Variants in CDK5RAP2 observed in about 807,000 individuals in gnomAD.
CDK5RAP2 encodes the protein CDK5 regulatory subunit-associated protein 2.
Under a neutral mutation model 232.9 loss-of-function variants are expected in CDK5RAP2, and 147 were observed. That is an observed-to-expected ratio of 0.63 (90% confidence interval 0.55 to 0.72). CDK5RAP2 has a LOEUF of 0.72. Among genes scored for constraint, CDK5RAP2 ranks in the 30% least tolerant of loss-of-function variants. The pLI is 0.00. For synonymous variants in CDK5RAP2, 833 were observed against 833.7 expected, an observed-to-expected ratio of 1.00 and a Z score of 0.01; for missense variants, 2,195 against 2,231.5, an observed-to-expected ratio of 0.98 and a Z score of 0.33.
At chr9:120,448,186 G>T in intron 21 of CDK5RAP2, 60 bp from the exon 22 acceptor site, 1 of 1,350,796 alleles carries the variant, frequency 7.4e-7, no homozygotes, top group Non-Finnish European at 1.1e-6. Flanking sequence ...TGGTTGCACA[G>T]TCAACATTCT....
chr9:120,443,489 T>C, intron 23 of CDK5RAP2, 131 bp downstream of exon 23: 2 of 1,070,630 alleles, frequency 1.9e-6, no homozygotes, highest in Admixed American at 3.5e-5. Context: ...CAGCTTCCCA[T>C]GTGTTAGACT....
chr9:120,476,382 T>A (rs2038009958), intron 15 of CDK5RAP2, among the ~76,000 whole-genome samples: 1 of 152,222 alleles, frequency 6.6e-6, no homozygotes, highest in East Asian at 1.9e-4. Flanking sequence ...TCCTTTCAGC[T>A]GTACCCATCC....
chr9:120,574,955 T>C (rs1314855076), intron 1 of CDK5RAP2, among the ~76,000 whole-genome samples: 1 of 151,622 alleles, frequency 6.6e-6, no homozygotes, highest in Non-Finnish European at 1.5e-5. Flanking sequence ...TCCCGGAGGT[T>C]GGGGGTGGCA....
rs1247350946 is a variant in CDK5RAP2, at chr9:120,389,311, A to G, written c.5626-19T>C. The G allele has an allele frequency of 6.2e-7, 1 of 1,607,336 alleles. No homozygotes were observed. Among genetic ancestry groups the G allele is most frequent in the African/African-American group, 1.3e-5 (1 of 74,822 alleles). ...GCCTAAGCTAGGAAAAGGAAGAAAA[A>G]AAAGGAGAATTTTAAGTCCAAAGGA... On this transcript the variant is annotated intron_variant, in intron 37 of 37. Transcript: ENST00000349780.
At chr9:120,555,282 C>T (rs1188443639) in intron 3 of CDK5RAP2, among the ~76,000 whole-genome samples, 3 of 152,140 alleles carry the variant, frequency 2.0e-5, no homozygotes, top group African/African-American at 4.8e-5. Flanking sequence ...CAGGCACGCA[C>T]TACCACGCTC....
At chr9:120,488,529 A>C (rs1452675812) in intron 13 of CDK5RAP2, among the ~76,000 whole-genome samples, 1 of 151,608 alleles carries the variant, frequency 6.6e-6, no homozygotes, top group South Asian at 2.1e-4. Context: ...ACAACTTGCA[A>C]CTCTTTAGCT....
In CDK5RAP2 at chr9:120,471,846, A is replaced by G. The variant is rs1362945942; in HGVS notation, c.1760T>C (p.Ile587Thr). 9.9e-6 allele frequency: 16 copies of G among 1,614,104 alleles called. No individual in the cohort carries two copies. The highest frequency in any genetic ancestry group is 1.3e-5 in the African/African-American group (1 of 75,046). ...INNLQAELNK[I>T]FALRKQLEQD... The stretch of plus-strand genomic sequence containing the variant: ...CTCCAGTTGCTTCCGCAGGGCAAAA[A>G]TCTTGTTTAACTCAGCCTGCAGGTT... Residue 587 changes from isoleucine to threonine, a missense_variant, in exon 16 of 38, where the codon ATT becomes ACT. By Grantham distance (89) the Ile-to-Thr change is moderately conservative. Coordinates refer to ENST00000349780, the MANE Select transcript of CDK5RAP2 (RefSeq NM_018249.6).
intron 19 of CDK5RAP2, 143 bp from the exon 20 acceptor site, chr9:120,458,765 G>C (rs111573035): frequency 1.4e-5 from 10 of 733,048 alleles, no homozygotes; most frequent in Non-Finnish European, 2.4e-5. Context: ...AAAGAAAAGG[G>C]GGAGGAGAAG....
intron 25 of CDK5RAP2, among the ~76,000 whole-genome samples, chr9:120,426,965 C>CT (rs1347630297): frequency 1.3e-5 from 2 of 152,192 alleles, no homozygotes; most frequent in Non-Finnish European, 2.9e-5. Context: ...CCGCCCCCCA[C>CT]TTTCCCATCA....
chr9:120,454,697 G>A (rs2036658330), intron 20 of CDK5RAP2, among the ~76,000 whole-genome samples: 1 of 152,192 alleles, frequency 6.6e-6, no homozygotes, highest in South Asian at 2.1e-4. Context: ...GTAAAGCAGT[G>A]TGGAAGTGTG....
At chr9:120,517,962 G>T (rs1157640576) in intron 12 of CDK5RAP2, 1 of 227,318 alleles carries the variant, frequency 4.4e-6, no homozygotes, top group Non-Finnish European at 9.2e-6. Flanking sequence ...AAGTCATAAG[G>T]CAAAAAAAAA....
At chr9:120,528,005 C>T in intron 9 of CDK5RAP2, 80 bp from the exon 10 acceptor site, 2 of 1,532,278 alleles carry the variant, frequency 1.3e-6, no homozygotes, top group Non-Finnish European at 9.0e-7. Flanking sequence ...TAAGAGCACA[C>T]TCAAATGCAG....
intron 12 of CDK5RAP2, among the ~76,000 whole-genome samples, chr9:120,515,331 C>T (rs2040283295): frequency 1.3e-5 from 2 of 152,132 alleles, no homozygotes; most frequent in South Asian, 2.1e-4. Flanking sequence ...CAAGTGTCAG[C>T]CCCTCTTAGA....
At chr9:120,527,650 A>G (rs1162807257) in intron 10 of CDK5RAP2, among the ~76,000 whole-genome samples, 156 bp downstream of exon 10, 2 of 152,218 alleles carry the variant, frequency 1.3e-5, no homozygotes, top group East Asian at 1.9e-4. Context: ...AGACACTCCA[A>G]AAGAATTTCC....
intron 3 of CDK5RAP2, among the ~76,000 whole-genome samples, chr9:120,561,622 G>A (rs1280368358): frequency 1.3e-5 from 2 of 150,628 alleles, no homozygotes; most frequent in Non-Finnish European, 3.0e-5. Context: ...ATTTAAAACT[G>A]AATCTCAAAC....
At chr9:120,549,945 A>G (rs188550627) in intron 4 of CDK5RAP2, among the ~76,000 whole-genome samples, 1 of 152,342 alleles carries the variant, frequency 6.6e-6, no homozygotes, top group Admixed American at 6.5e-5. Context: ...AAGTCAATTT[A>G]AGTTCATCTG....
chr9:120,411,407 C>T lies in CDK5RAP2; in HGVS notation c.4365G>A (p.Leu1455=), dbSNP rs756193736. The change falls in exon 29 of 38, where the codon TTG becomes TTA. Residue 1455 remains leucine, a synonymous_variant. Transcript: ENST00000349780. ...CATTGAGGGCCTGGTTCTGCTTCCT[C>T]AAGAAATGAATTTCTGATGTTAGAG... ...HSSLTSEIHF[L]RKQNQALNAM... The T allele has an allele frequency of 1.9e-6, 3 of 1,613,504 alleles. No individual in the cohort carries two copies. Among genetic ancestry groups the T allele is most frequent in the Non-Finnish European group, 2.5e-6 (3 of 1,179,456 alleles).
chr9:120,530,246 C>T (rs2041090147), intron 7 of CDK5RAP2, 106 bp from the exon 8 acceptor site: 2 of 768,340 alleles, frequency 2.6e-6, no homozygotes, highest in Non-Finnish European at 4.4e-6. Context: ...TAGACATATA[C>T]AATGGCTGAA....
rs142978864 is a variant in CDK5RAP2 at position 120,545,185 on chromosome 9, C to T, written c.383+529G>A. 6.7e-3 allele frequency among the ~76,000 whole-genome samples: 1,019 copies of T among 152,240 alleles called. 12 individuals carry two copies. The highest frequency in any genetic ancestry group is 0.023 in the African/African-American group (972 of 41,520). ...GAAGCCCCATCCTCTGTCTCCCTGC[C>T]TCACCCATCAGGACCCCTTCAAGTC... is the stretch of plus-strand genomic sequence containing the variant. On this transcript the variant is annotated intron_variant, in intron 5 of 37. Coordinates refer to ENST00000349780, the MANE Select transcript of CDK5RAP2 (RefSeq NM_018249.6).
Sources: gnomAD v4.1 joint callset for allele counts (sites outside exome capture counted in the v4.1 genomes callset) on GRCh38, gnomAD v4.1.1 for gene constraint, MANE v1.5 for transcripts, NCBI Gene and HGNC (gene_info 2026-07-23, HGNC 2026-07-21) for gene names.